Variants in APOL5 observed in about 807,000 individuals in gnomAD.
The protein encoded by APOL5 is apolipoprotein L5.
APOL5 carries 29 observed loss-of-function variants against 35.5 expected under a neutral mutation model. The observed-to-expected ratio is 0.82, with a 90% CI of 0.61 to 1.11. The LOEUF (loss-of-function observed/expected upper bound fraction) is 1.11. Ranked by LOEUF, APOL5 falls within the 50% of genes most tolerant of loss-of-function variation. The pLI is 0.00. For synonymous variants in APOL5, 188 were observed against 200.2 expected, an observed-to-expected ratio of 0.94 and a Z score of 0.51; for missense variants, 514 against 530.4, an observed-to-expected ratio of 0.97 and a Z score of 0.30.
At chr22:35,709,154 G>A in the APOL5 span, among the ~76,000 whole-genome samples, 1 of 152,160 alleles carries the variant, frequency 6.6e-6, no homozygotes, top group Non-Finnish European at 1.5e-5. Context: ...ACTTATCGAA[G>A]TGTCAACATT....
chr22:35,714,313 A>G (rs953701716), upstream of APOL5, among the ~76,000 whole-genome samples: 2 of 152,138 alleles, frequency 1.3e-5, no homozygotes, highest in African/African-American at 4.8e-5. Context: ...TTCTGTCTCA[A>G]AAAAATAAAA....
chr22:35,727,254 GT>G, intron 3 of APOL5, 60 bp downstream of exon 3: 1 of 1,541,776 alleles, frequency 6.5e-7, no homozygotes, highest in Non-Finnish European at 8.7e-7. Context: ...TACCATGAGG[GT>G]GGGGGGCGAC....
chr22:35,717,255 T>TATATATATATATATATATATATATA (rs1167745529), upstream of APOL5, among the ~76,000 whole-genome samples: 3 of 123,162 alleles, frequency 2.4e-5, no homozygotes, highest in African/African-American at 8.7e-5. Flanking sequence ...TATATATATA[T>TATATATATATATATATATATATATA]TAGCTGGGTG....
At chr22:35,723,220 A>G (rs528691254) in intron 2 of APOL5, among the ~76,000 whole-genome samples, 2 of 152,268 alleles carry the variant, frequency 1.3e-5, no homozygotes, top group South Asian at 4.1e-4. Context: ...ATCCTTTCCC[A>G]TAGATCCTCT....
the APOL5 span, among the ~76,000 whole-genome samples, chr22:35,711,969 C>A: frequency 6.6e-6 from 1 of 151,954 alleles, no homozygotes; most frequent in Admixed American, 6.6e-5. Flanking sequence ...GCCACCGCGC[C>A]CAGCCTTCTG....
intron 2 of APOL5, among the ~76,000 whole-genome samples, chr22:35,725,809 G>A (rs776106235): frequency 1.1e-3 from 162 of 152,178 alleles, no homozygotes; most frequent in Non-Finnish European, 1.9e-3. Flanking sequence ...ATGTTATCTC[G>A]AGGAGCAATT....
intron 2 of APOL5, among the ~76,000 whole-genome samples, chr22:35,723,329 G>A (rs533147633): frequency 1.3e-5 from 2 of 152,256 alleles, no homozygotes; most frequent in East Asian, 1.9e-4. Flanking sequence ...ACCCTGTTAC[G>A]TGCTGTAGAA....
At chr22:35,716,818 G>A (rs1392557555), upstream of APOL5, among the ~76,000 whole-genome samples, 1 of 151,748 alleles carries the variant, frequency 6.6e-6, no homozygotes, top group South Asian at 2.1e-4. Context: ...AATATATCCT[G>A]GACCTCTTTC....
In APOL5 at chr22:35,727,123, AG is replaced by A; in HGVS notation, c.1056del (p.Lys353ArgfsTer46). On this transcript the variant is annotated frameshift_variant, in exon 3 of 5. Transcript: ENST00000249044. LOFTEE classifies it high-confidence loss of function. Reference protein sequence around the residue: ...RLTQHHRHLPQKASQTCSSSR... With the variant: ...RLTQHHRHLPXKASQTCSSSR... The stretch of plus-strand genomic sequence containing the variant: ...ACCCAGCACCACCGGCACCTGCCGC[AG>A]AAGGCGAGCCAGACCTGTTCCAGCT... The A allele has an allele frequency of 6.2e-7, 1 of 1,610,848 alleles. No homozygotes were observed. Among genetic ancestry groups the A allele is most frequent in the Non-Finnish European group, 8.5e-7 (1 of 1,180,036 alleles).
chr22:35,724,439 G>A (rs1927081881), intron 2 of APOL5, among the ~76,000 whole-genome samples: 1 of 150,470 alleles, frequency 6.6e-6, no homozygotes, highest in South Asian at 2.1e-4. Flanking sequence ...TACACTCTTG[G>A]TACTGTTTTT....
At position 35,722,342 on chromosome 22, in the gene APOL5, G is replaced by A. The variant is rs1047013267; in HGVS notation, c.142+1688G>A. 3.9e-5 allele frequency among the ~76,000 whole-genome samples: 6 copies of A among 152,110 alleles called. No homozygotes were observed. In the South Asian group the frequency reaches 1.0e-3, roughly 26 times the overall value. ...TCAGGAAATGGAGTCTCCCTCTGTCGCCCAGGCTGGAGTGCAGTGGCGCGA... is the reference window on the plus strand; with the variant it reads ...TCAGGAAATGGAGTCTCCCTCTGTCACCCAGGCTGGAGTGCAGTGGCGCGA... On this transcript the variant is annotated intron_variant, in intron 2 of 4. Coordinates refer to ENST00000249044, the MANE Select transcript of APOL5 (RefSeq NM_030642.1).
At chr22:35,723,101 G>A (rs1191933281) in intron 2 of APOL5, among the ~76,000 whole-genome samples, 2 of 152,176 alleles carry the variant, frequency 1.3e-5, no homozygotes, top group Non-Finnish European at 2.9e-5. Context: ...GTCCACTTGA[G>A]GCTGCTGATG....
At chr22:35,717,350 G>A (rs1479263153), upstream of APOL5, among the ~76,000 whole-genome samples, 2 of 147,168 alleles carry the variant, frequency 1.4e-5, no homozygotes, top group African/African-American at 2.5e-5. Flanking sequence ...GCAGTGAGCC[G>A]AGATTGTGTC....
chr22:35,728,665 G>A lies in APOL5; in HGVS notation c.1127-58G>A, dbSNP rs570584534. On this transcript the variant is annotated intron_variant, in intron 3 of 4. Transcript: ENST00000249044. The stretch of plus-strand genomic sequence containing the variant: ...TGGGGACATATTTGAGCTTCTGAAC[G>A]TCCAGGGGCAGATCTCTTTCTTGGA... 104 of 1,566,746 alleles carry A rather than the reference G, an allele frequency of 6.6e-5. 1 individual carries two copies. In the East Asian group the frequency reaches 2.0e-3, roughly 29 times the overall value.
In APOL5 at chr22:35,729,409, C is replaced by T. The variant is rs58056328; in HGVS notation, c.*62C>T. 0.061 allele frequency: 9,312 copies of T among 152,318 alleles called. 1,030 individuals are homozygous for T. The highest frequency in any genetic ancestry group is 0.22 in the African/African-American group (8,930 of 41,402). 9.4% of individuals were successfully genotyped at this position (152,318 alleles called of 1,614,324 possible). ...TTAACAGAGGCAAAATGCAAGTCTT[C>T]CCTGAAGAATACTGGGGGTAGGGAA... is the stretch of plus-strand genomic sequence containing the variant. On this transcript the variant is annotated 3_prime_UTR_variant, in exon 5 of 5. Coordinates refer to ENST00000249044, the MANE Select transcript of APOL5 (RefSeq NM_030642.1).
intron 3 of APOL5, among the ~76,000 whole-genome samples, chr22:35,728,286 C>A (rs955115491): frequency 1.3e-5 from 2 of 152,118 alleles, no homozygotes; most frequent in African/African-American, 4.8e-5. Flanking sequence ...TGCAGTGGCG[C>A]CATCTTGGCT....
chr22:35,721,050 A>G (rs1220810420), intron 2 of APOL5, among the ~76,000 whole-genome samples: 1 of 152,088 alleles, frequency 6.6e-6, no homozygotes, highest in Admixed American at 6.6e-5. Context: ...CCAGCTGTCA[A>G]TAAGTATTTG....
At chr22:35,719,910 G>A (rs957075650) in intron 1 of APOL5, among the ~76,000 whole-genome samples, 2 of 152,158 alleles carry the variant, frequency 1.3e-5, no homozygotes, top group Non-Finnish European at 2.9e-5. Context: ...GATGGATGGG[G>A]AGCCAGAAAG....
chr22:35,727,312 G>A (rs1467797147), intron 3 of APOL5, 118 bp downstream of exon 3: 2 of 1,426,796 alleles, frequency 1.4e-6, no homozygotes, highest in African/African-American at 1.4e-5. Context: ...TGCCCCTTCT[G>A]CAAAGAGAGG....
Sources: gnomAD v4.1 joint callset for allele counts (sites outside exome capture counted in the v4.1 genomes callset) on GRCh38, gnomAD v4.1.1 for gene constraint, MANE v1.5 for transcripts, NCBI Gene and HGNC (gene_info 2026-07-23, HGNC 2026-07-21) for gene names.